The following DSCAML1 variants were observed in gnomAD, a reference collection of about 807,000 sequenced individuals.
DSCAML1 encodes DS cell adhesion molecule like 1.
Under a neutral mutation model 200.5 loss-of-function variants are expected in DSCAML1, and 38 were observed. That is an observed-to-expected ratio of 0.19 (90% confidence interval 0.15 to 0.25). DSCAML1 has a LOEUF of 0.25. DSCAML1 is among the 10% of genes least tolerant of loss of function. DSCAML1 has a pLI of 1.00. For missense variants in DSCAML1, 2,223 were observed against 2,858.8 expected (o/e 0.78, Z 5.07); for synonymous variants, 1,215 against 1,165.0 (o/e 1.04, Z -0.87).
intron 3 of DSCAML1, among the ~76,000 whole-genome samples, chr11:117,600,110 G>A (rs1467621319): frequency 6.6e-6 from 1 of 152,228 alleles, no homozygotes; most frequent in Non-Finnish European, 1.5e-5. Context: ...CTTCATATAT[G>A]TCATGTAAAC....
chr11:117,483,881 C>T (rs1054691343), intron 11 of DSCAML1, among the ~76,000 whole-genome samples: 4 of 152,104 alleles, frequency 2.6e-5, no homozygotes, highest in African/African-American at 2.4e-5. Context: ...CTGCAAGAAT[C>T]GGAAACCCCC....
chr11:117,643,240 T>C (rs1265535466), intron 3 of DSCAML1, among the ~76,000 whole-genome samples: 1 of 152,120 alleles, frequency 6.6e-6, no homozygotes, highest in African/African-American at 2.4e-5. Flanking sequence ...AAAATATAAA[T>C]AGCTTCTGAA....
chr11:117,578,935 T>C (rs1000900734), intron 3 of DSCAML1, among the ~76,000 whole-genome samples: 4 of 152,190 alleles, frequency 2.6e-5, no homozygotes, highest in Admixed American at 6.5e-5. Flanking sequence ...TGCTCCCCAG[T>C]CTTCCCATTC....
chr11:117,745,375 C>T (rs948299655), intron 3 of DSCAML1, among the ~76,000 whole-genome samples: 4 of 152,072 alleles, frequency 2.6e-5, no homozygotes, highest in South Asian at 2.1e-4. Flanking sequence ...GGCAGGCTAC[C>T]GAGGGAGCTG....
chr11:117,497,625 C>T (rs1051194517), intron 11 of DSCAML1, among the ~76,000 whole-genome samples: 3 of 152,266 alleles, frequency 2.0e-5, no homozygotes, highest in South Asian at 2.1e-4. Context: ...CCCTTCCCTC[C>T]CTCCTTCCCT....
At chr11:117,695,315 C>CTTTTTTTTTTTTTTT (rs753748981) in intron 3 of DSCAML1, among the ~76,000 whole-genome samples, 133 of 116,668 alleles carry the variant, frequency 1.1e-3, no homozygotes, top group African/African-American at 2.9e-3. Context: ...CTTTCTTTTT[C>CTTTTTTTTTTTTTTT]TTTTTTTTTT....
rs759797305 is a variant in DSCAML1 at position 117,776,882 on chromosome 11, G to A, written c.420C>T (p.Asn140=). The A allele has an allele frequency of 2.5e-5, 40 of 1,614,022 alleles. No individual in the cohort carries two copies. Among genetic ancestry groups the A allele is most frequent in the African/African-American group, 9.3e-5 (7 of 74,912 alleles). The part of the protein sequence containing the change: ...RVEDQRSMRG[N]VAVFKCLIPS... Reference sequence around the variant, plus strand: ...GGATGAGGCACTTGAAGACGGCCACGTTGCCACGCATTGACCTTTGATCCT... The same window carrying A: ...GGATGAGGCACTTGAAGACGGCCACATTGCCACGCATTGACCTTTGATCCT... Residue 140 remains asparagine, a synonymous_variant, in exon 3 of 33, where the codon AAC becomes AAT. Transcript: ENST00000651296.
intron 3 of DSCAML1, among the ~76,000 whole-genome samples, chr11:117,559,272 C>T (rs146088418): frequency 4.6e-5 from 7 of 152,190 alleles, no homozygotes; most frequent in Admixed American, 1.3e-4. Flanking sequence ...GAACTCCAGC[C>T]GGTCTTTCTG....
chr11:117,733,721 G>A (rs970147181), intron 3 of DSCAML1, among the ~76,000 whole-genome samples: 1 of 152,324 alleles, frequency 6.6e-6, no homozygotes, highest in Admixed American at 6.5e-5. Flanking sequence ...GGGACCATCT[G>A]GATAAGTCAT....
chr11:117,742,634 G>A (rs139493816), intron 3 of DSCAML1, among the ~76,000 whole-genome samples: 72 of 152,342 alleles, frequency 4.7e-4, no homozygotes, highest in Non-Finnish European at 9.1e-4. Flanking sequence ...GGAGAGCCGG[G>A]TCAGCATCCA....
chr11:117,601,305 C>T (rs2051461632), intron 3 of DSCAML1, among the ~76,000 whole-genome samples: 1 of 152,144 alleles, frequency 6.6e-6, no homozygotes, highest in African/African-American at 2.4e-5. Context: ...GATCATGAAT[C>T]CTTTGCGGGC....
At position 117,454,810 on chromosome 11, in the gene DSCAML1, A is replaced by G. The variant is rs571108643; in HGVS notation, c.3568+3944T>C. ...AGCAATCTGGGGTAACTTAAATTCAATTTCCAGTATTGGGATGATTTGAAG... is the reference window on the plus strand; with the variant it reads ...AGCAATCTGGGGTAACTTAAATTCAGTTTCCAGTATTGGGATGATTTGAAG... On this transcript the variant is annotated intron_variant, in intron 19 of 32. Transcript: ENST00000651296. 5.9e-4 allele frequency among the ~76,000 whole-genome samples: 90 copies of G among 152,290 alleles called. 2 individuals carry two copies. In the South Asian group the frequency reaches 0.018, roughly 31 times the overall value.
At chr11:117,669,804 A>G (rs1212586736) in intron 3 of DSCAML1, among the ~76,000 whole-genome samples, 1 of 152,230 alleles carries the variant, frequency 6.6e-6, no homozygotes, top group Non-Finnish European at 1.5e-5. Flanking sequence ...GCCCTGGGGC[A>G]GGGGCGGATG....
chr11:117,500,400 G>T (rs189880898), intron 11 of DSCAML1, among the ~76,000 whole-genome samples: 3 of 152,262 alleles, frequency 2.0e-5, no homozygotes, highest in Admixed American at 1.3e-4. Context: ...CTCATCACCA[G>T]GTTTCTAGCA....
At chr11:117,666,884 G>A (rs908757711) in intron 3 of DSCAML1, among the ~76,000 whole-genome samples, 1 of 152,194 alleles carries the variant, frequency 6.6e-6, no homozygotes, top group African/African-American at 2.4e-5. Context: ...TGCGTGGCAC[G>A]TGGTAAGCTC....
At chr11:117,648,179 G>A (rs530823572) in intron 3 of DSCAML1, among the ~76,000 whole-genome samples, 1 of 152,200 alleles carries the variant, frequency 6.6e-6, no homozygotes, top group African/African-American at 2.4e-5. Flanking sequence ...ATCTCAGAGG[G>A]GGGCCTCAGT....
intron 5 of DSCAML1, among the ~76,000 whole-genome samples, chr11:117,524,508 G>A (rs1316481196): frequency 6.6e-6 from 1 of 152,226 alleles, no homozygotes; most frequent in Non-Finnish European, 1.5e-5. Context: ...TGACCTCTGG[G>A]AGGTAGGAAG....
At chr11:117,482,293 GA>G (rs2048944449) in intron 11 of DSCAML1, 131 bp from the exon 12 acceptor site, 1 of 1,042,770 alleles carries the variant, frequency 9.6e-7, no homozygotes, top group Admixed American at 2.1e-5. Context: ...GGAGTACAGG[GA>G]ACCCCACTGG....
intron 3 of DSCAML1, among the ~76,000 whole-genome samples, chr11:117,694,140 T>C (rs1337731338): frequency 1.3e-5 from 2 of 150,436 alleles, no homozygotes; most frequent in Admixed American, 6.6e-5. Context: ...CGGTGGCTCA[T>C]GCATATAATC....
Sources: allele counts gnomAD v4.1 joint callset (sites outside exome capture counted in the v4.1 genomes callset), GRCh38; gene constraint gnomAD v4.1.1; transcripts MANE v1.5; gene names NCBI Gene and HGNC (gene_info 2026-07-23, HGNC 2026-07-21).